Variants in MAST4 observed in about 807,000 individuals in gnomAD.
MAST4 encodes the protein microtubule associated serine/threonine kinase family member 4.
MAST4 carries 89 observed loss-of-function variants against 162.7 expected under a neutral mutation model. The observed-to-expected ratio is 0.55, with a 90% confidence interval of 0.46 to 0.65. The LOEUF (loss-of-function observed/expected upper bound fraction) is 0.65. Ranked by LOEUF, MAST4 falls within the 30% of genes least tolerant of loss-of-function variation. MAST4 has a pLI of 0.00. For missense variants in MAST4, 3,153 were observed against 3,374.0 expected, an observed-to-expected ratio of 0.93 and a Z score of 1.62; for synonymous variants, 1,479 against 1,361.1, an observed-to-expected ratio of 1.09 and a Z score of -1.91.
intron 5 of MAST4, among the ~76,000 whole-genome samples, chr5:67,069,303 TATATATATAA>T (rs1477560191): frequency 1.4e-5 from 2 of 143,798 alleles, no homozygotes; most frequent in South Asian, 2.2e-4. Flanking sequence ...TATATATATA[TATATATATAA>T]AATTTTAAAA....
chr5:66,886,966 C>T (rs1299394960), intron 3 of MAST4, among the ~76,000 whole-genome samples: 1 of 152,004 alleles, frequency 6.6e-6, no homozygotes, highest in African/African-American at 2.4e-5. Flanking sequence ...GGGAAGGATT[C>T]TGTCTTTGTA....
intron 3 of MAST4, 21 bp from the exon 4 acceptor site, chr5:66,899,930 T>C (rs754943788): frequency 9.9e-6 from 15 of 1,508,046 alleles, no homozygotes; most frequent in Admixed American, 2.4e-5. Flanking sequence ...TGCTTATATA[T>C]GGTTTTTTTT....
At chr5:66,913,632 A>G (rs971394366) in intron 4 of MAST4, among the ~76,000 whole-genome samples, 1 of 152,186 alleles carries the variant, frequency 6.6e-6, no homozygotes, top group Non-Finnish European at 1.5e-5. Context: ...TATTCTCTTT[A>G]TAGCATCTAT....
rs781522383 is a variant in MAST4, at chr5:67,102,551, C to T, written c.1086C>T (p.Pro362=). The change falls in exon 9 of 29, where the codon CCC becomes CCT. Residue 362 remains proline, a synonymous_variant. Transcript: ENST00000403625. ...RSRSLSPGRS[P]ACCDHEIIMM... ...TTGCTTGCAGCCCTGGACGTTCTCC[C>T]GCCTGCTGTGACCATGAAATAATTA... 10 of 1,613,934 alleles carry T rather than the reference C, an allele frequency of 6.2e-6. No individual in the cohort carries two copies. Among genetic ancestry groups the T allele is most frequent in the African/African-American group, 1.3e-5 (1 of 75,038 alleles).
chr5:66,616,689 G>T (rs1041923596), intron 1 of MAST4, among the ~76,000 whole-genome samples: 1 of 152,180 alleles, frequency 6.6e-6, no homozygotes, highest in Non-Finnish European at 1.5e-5. Context: ...GCTGGCCGGG[G>T]CCTCTGTGTG....
chr5:66,596,478 A>C lies in MAST4; in HGVS notation c.-178A>C. ...TGCGGCCGGGCCCGGGCGGCTGTGAACTTAGCAGCGGGCTCCTGCGGCCCC... is the reference window on the plus strand; with the variant it reads ...TGCGGCCGGGCCCGGGCGGCTGTGACCTTAGCAGCGGGCTCCTGCGGCCCC... On this transcript the variant is annotated 5_prime_UTR_variant, in exon 1 of 29. Coordinates refer to ENST00000403625, the MANE Select transcript of MAST4 (RefSeq NM_001164664.2). 1.3e-6 allele frequency: 1 copy of C among 743,432 alleles called. No homozygotes were observed. Among genetic ancestry groups the C allele is most frequent in the Non-Finnish European group, 1.9e-6 (1 of 538,972 alleles). The allele number at this position is 743,432 out of a possible 1,614,324, so 46.1% of individuals were successfully genotyped here.
intron 4 of MAST4, among the ~76,000 whole-genome samples, chr5:66,902,945 G>A (rs1763104813): frequency 6.6e-6 from 1 of 152,000 alleles, no homozygotes; most frequent in Non-Finnish European, 1.5e-5. Context: ...TCAAAATCGT[G>A]ATATAGTCAG....
intron 5 of MAST4, among the ~76,000 whole-genome samples, chr5:67,067,018 C>T (rs531901127): frequency 1.3e-5 from 2 of 152,284 alleles, no homozygotes; most frequent in South Asian, 4.1e-4. Context: ...TACCCAGTGA[C>T]ATCATGATGA....
In MAST4 at chr5:67,064,368, G is replaced by A. The variant is rs534165277; in HGVS notation, c.763+9876G>A. Among the ~76,000 whole-genome samples, 19 of 152,228 alleles carry A rather than the reference G, an allele frequency of 1.2e-4. 1 individual carries two copies. In the East Asian group the frequency reaches 3.3e-3, roughly 26 times the overall value. ...CAAGTCAGCCAGCCCTATCAGGTGC[G>A]TCACAGATGTCCACTGAAAGAATAA... On this transcript the variant is annotated intron_variant, in intron 5 of 28. Coordinates refer to ENST00000403625, the MANE Select transcript of MAST4 (RefSeq NM_001164664.2).
chr5:66,801,278 T>C (rs1011030204), intron 3 of MAST4, among the ~76,000 whole-genome samples: 2 of 152,118 alleles, frequency 1.3e-5, no homozygotes, highest in African/African-American at 4.8e-5. Context: ...GCAAATTCGG[T>C]TGCCACCATC....
intron 5 of MAST4, among the ~76,000 whole-genome samples, chr5:67,085,408 C>T (rs567970593): frequency 3.7e-4 from 56 of 152,292 alleles, no homozygotes; most frequent in African/African-American, 1.3e-3. Context: ...CTAGAAGGCT[C>T]TTTCTAAAAC....
chr5:66,654,690 CTT>C (rs1473747445), intron 1 of MAST4, among the ~76,000 whole-genome samples: 4 of 152,080 alleles, frequency 2.6e-5, no homozygotes, highest in East Asian at 1.9e-4. Context: ...GAACAAATAA[CTT>C]TTCATTTTAT....
In MAST4 at chr5:66,838,147, C is replaced by T. The variant is rs150891673; in HGVS notation, c.642+49353C>T. On this transcript the variant is annotated intron_variant, in intron 3 of 28. Coordinates refer to ENST00000403625, the MANE Select transcript of MAST4 (RefSeq NM_001164664.2). ...TGTTTTTAAAATTGCTGGACATGCT[C>T]CATGGTTTCCATTAGAAAACCACCT... Among the ~76,000 whole-genome samples, 223 of 151,736 alleles carry T rather than the reference C, an allele frequency of 1.5e-3. 1 individual carries two copies. Among genetic ancestry groups the T allele is most frequent in the African/African-American group, 5.3e-3 (220 of 41,362 alleles).
At chr5:66,870,322 A>C (rs1488217337) in intron 3 of MAST4, among the ~76,000 whole-genome samples, 1 of 152,156 alleles carries the variant, frequency 6.6e-6, no homozygotes, top group African/African-American at 2.4e-5. Context: ...GTTTGGAGGA[A>C]GATTGTGATT....
At chr5:66,792,495 A>T (rs907430946) in intron 3 of MAST4, 2 of 159,528 alleles carry the variant, frequency 1.3e-5, no homozygotes, top group African/African-American at 2.4e-5. Flanking sequence ...CATAGAAAGC[A>T]TTCAGTAAAT....
At chr5:66,791,809 T>C (rs1309772606) in intron 3 of MAST4, among the ~76,000 whole-genome samples, 1 of 152,170 alleles carries the variant, frequency 6.6e-6, no homozygotes, top group Non-Finnish European at 1.5e-5. Flanking sequence ...TTCCTAATTA[T>C]AGTCTACAGA....
chr5:67,118,500 G>A (rs1166026207), intron 12 of MAST4, among the ~76,000 whole-genome samples, 182 bp from the exon 13 acceptor site: 1 of 152,176 alleles, frequency 6.6e-6, no homozygotes, highest in African/African-American at 2.4e-5. Context: ...GGAGTGTGTA[G>A]TGAACAATTT....
intron 1 of MAST4, among the ~76,000 whole-genome samples, chr5:66,708,808 A>G (rs1371073680): frequency 6.6e-6 from 1 of 152,218 alleles, no homozygotes; most frequent in African/African-American, 2.4e-5. Flanking sequence ...CTTTGACCAT[A>G]AGTGAATTTA....
At chr5:66,722,453 G>T (rs1561286439) in intron 1 of MAST4, among the ~76,000 whole-genome samples, 5 of 141,882 alleles carry the variant, frequency 3.5e-5, no homozygotes, top group African/African-American at 7.7e-5. Flanking sequence ...CTGGTTCTGG[G>T]TTTTTTTTTT....
Sources: allele counts gnomAD v4.1 joint callset (sites outside exome capture counted in the v4.1 genomes callset), GRCh38; gene constraint gnomAD v4.1.1; transcripts MANE v1.5; gene names NCBI Gene and HGNC (gene_info 2026-07-23, HGNC 2026-07-21).